SHTN1: variants seen among roughly 807,000 people sequenced by gnomAD.
SHTN1 encodes the protein shootin 1.
SHTN1 carries 42 observed loss-of-function variants against 83.1 expected under a neutral mutation model. The observed-to-expected ratio is 0.51, with a 90% CI of 0.39 to 0.65. SHTN1 has a LOEUF of 0.65. Ranked by LOEUF, SHTN1 falls within the 30% of genes least tolerant of loss-of-function variation. The pLI is 0.00. For missense variants in SHTN1, 622 were observed against 737.8 expected (o/e 0.84, Z 1.82); for synonymous variants, 224 against 247.7 (o/e 0.90, Z 0.90).
At chr10:116,957,411 G>A (rs535833051) in intron 4 of SHTN1, among the ~76,000 whole-genome samples, 18 of 151,450 alleles carry the variant, frequency 1.2e-4, no homozygotes, top group African/African-American at 3.9e-4. Flanking sequence ...ACACCACCAC[G>A]CCCAGCTAAG....
intron 8 of SHTN1, among the ~76,000 whole-genome samples, chr10:116,944,510 C>T (rs1253071586): frequency 6.6e-6 from 1 of 152,176 alleles, no homozygotes; most frequent in East Asian, 1.9e-4. Flanking sequence ...CTCCCTAAAC[C>T]AGCAGATCCT....
At chr10:116,995,860 T>A (rs1279712817) in intron 1 of SHTN1, among the ~76,000 whole-genome samples, 1 of 152,138 alleles carries the variant, frequency 6.6e-6, no homozygotes, top group East Asian at 1.9e-4. Flanking sequence ...AATGTCACCT[T>A]CCTGACAGGC....
chr10:116,908,230 T>C (rs1303505633), intron 14 of SHTN1, among the ~76,000 whole-genome samples: 2 of 152,236 alleles, frequency 1.3e-5, no homozygotes, highest in Non-Finnish European at 2.9e-5. Flanking sequence ...ATAAGGCTCA[T>C]ATTTTAATTA....
chr10:116,936,938 A>G (rs1298291894), intron 9 of SHTN1, among the ~76,000 whole-genome samples: 1 of 151,470 alleles, frequency 6.6e-6, no homozygotes, highest in Non-Finnish European at 1.5e-5. Flanking sequence ...ATCTCTTTTC[A>G]TCTTTGTTGG....
chr10:116,910,462 G>A (rs1474165764), intron 14 of SHTN1, among the ~76,000 whole-genome samples: 1 of 152,168 alleles, frequency 6.6e-6, no homozygotes. Context: ...GGTGAATATG[G>A]TATTTAAGAG....
intron 2 of SHTN1, among the ~76,000 whole-genome samples, chr10:116,971,560 G>A (rs548246967): frequency 6.6e-6 from 1 of 152,030 alleles, no homozygotes; most frequent in African/African-American, 2.4e-5. Flanking sequence ...CTTCTGTTTG[G>A]TCTGGATTTC....
chr10:117,103,761 C>G (rs1853635024), intron 1 of SHTN1, among the ~76,000 whole-genome samples: 1 of 152,046 alleles, frequency 6.6e-6, no homozygotes, highest in African/African-American at 2.4e-5. Flanking sequence ...TGGTCTCGAT[C>G]TCCTGACCTC....
intron 1 of SHTN1, among the ~76,000 whole-genome samples, chr10:117,100,117 C>T (rs570744412): frequency 6.6e-6 from 1 of 152,200 alleles, no homozygotes; most frequent in East Asian, 1.9e-4. Flanking sequence ...GTGGAGGTTG[C>T]GGTGAGCCGA....
At chr10:117,020,942 AC>A (rs1852251306) in intron 2 of SHTN1, among the ~76,000 whole-genome samples, 1 of 152,214 alleles carries the variant, frequency 6.6e-6, no homozygotes, top group African/African-American at 2.4e-5. Context: ...AAGAGCTTCT[AC>A]TCAATAATAA....
At chr10:117,035,888 G>A (rs1161256511) in intron 2 of SHTN1, among the ~76,000 whole-genome samples, 3 of 143,888 alleles carry the variant, frequency 2.1e-5, no homozygotes, top group Non-Finnish European at 4.5e-5. Context: ...TGGAGGTTCT[G>A]GTGAGCCGAG....
chr10:117,045,334 A>G lies in SHTN1; in HGVS notation c.-123+3111T>C, dbSNP rs887616840. ...TTAAAAATGACTTGATCTTGGTAAGAACAATGAGCTGAGAAACATAAAGGT... is the reference window on the plus strand; with the variant it reads ...TTAAAAATGACTTGATCTTGGTAAGGACAATGAGCTGAGAAACATAAAGGT... On this transcript the variant is annotated intron_variant, in intron 2 of 17. Coordinates refer to the SHTN1 transcript ENST00000392901. Among the ~76,000 whole-genome samples the G allele has an allele frequency of 1.5e-4, 23 of 152,308 alleles. No individual in the cohort carries two copies. In the East Asian group the frequency reaches 1.9e-3, roughly 13 times the overall value.
chr10:117,025,023 G>C (rs1056736030), intron 2 of SHTN1, among the ~76,000 whole-genome samples: 1 of 152,174 alleles, frequency 6.6e-6, no homozygotes, highest in Admixed American at 6.5e-5. Context: ...GATGGCAGAA[G>C]AGAAGACTCC....
intron 12 of SHTN1, among the ~76,000 whole-genome samples, 195 bp from the exon 13 acceptor site, chr10:116,915,679 T>A (rs1848359268): frequency 6.6e-6 from 1 of 151,938 alleles, no homozygotes; most frequent in Non-Finnish European, 1.5e-5. Flanking sequence ...AGAGAAAAAA[T>A]CTGATCAGAA....
chr10:116,953,945 G>A, intron 5 of SHTN1, 97 bp downstream of exon 5: 1 of 1,078,286 alleles, frequency 9.3e-7, no homozygotes, highest in East Asian at 2.6e-5. Context: ...TCAGTATTTT[G>A]AAAGCTTCCC....
intron 1 of SHTN1, among the ~76,000 whole-genome samples, chr10:117,001,466 C>A (rs1034260724): frequency 6.6e-6 from 1 of 152,092 alleles, no homozygotes; most frequent in Non-Finnish European, 1.5e-5. Flanking sequence ...ACCTTATTCA[C>A]CACACCACTA....
chr10:116,980,116 G>C (rs1347323968), intron 1 of SHTN1, among the ~76,000 whole-genome samples: 2 of 151,654 alleles, frequency 1.3e-5, no homozygotes, highest in Admixed American at 1.3e-4. Context: ...TTTAATCAAA[G>C]CACCATTTTT....
chr10:117,034,993 G>A (rs1483055961), intron 2 of SHTN1, among the ~76,000 whole-genome samples: 1 of 152,032 alleles, frequency 6.6e-6, no homozygotes, highest in Admixed American at 6.6e-5. Flanking sequence ...AAATGTATGT[G>A]GAACCACAAA....
chr10:116,993,010 TTTTTTTC>T (rs1851497364), intron 1 of SHTN1, among the ~76,000 whole-genome samples: 3 of 48,920 alleles, frequency 6.1e-5, no homozygotes, highest in Admixed American at 7.4e-4. Flanking sequence ...TTTTCTTTCT[TTTTTTTC>T]TTTTTTTTTT....
chr10:116,914,537 C>T (rs1048729175), intron 13 of SHTN1, among the ~76,000 whole-genome samples: 9 of 148,890 alleles, frequency 6.0e-5, no homozygotes, highest in Non-Finnish European at 7.4e-5. Context: ...CACTGGGGGA[C>T]GTTCACACGG....
Sources: gnomAD v4.1 joint callset for allele counts (sites outside exome capture counted in the v4.1 genomes callset) on GRCh38, gnomAD v4.1.1 for gene constraint, MANE v1.5 for transcripts, NCBI Gene and HGNC (gene_info 2026-07-23, HGNC 2026-07-21) for gene names.